Variants in ST8SIA4 observed in about 807,000 individuals in gnomAD.
The protein encoded by ST8SIA4 is ST8 alpha-N-acetyl-neuraminide alpha-2,8-sialyltransferase 4.
Under a neutral mutation model 33.9 loss-of-function variants are expected in ST8SIA4, and 15 were observed. That is an observed-to-expected ratio of 0.44 (90% CI 0.30 to 0.68). The LOEUF is 0.68. ST8SIA4 is among the 30% of genes least tolerant of loss of function. ST8SIA4 has a pLI of 0.10. For synonymous variants in ST8SIA4, 171 were observed against 151.2 expected (o/e 1.13, Z -0.96); for missense variants, 321 against 428.0 (o/e 0.75, Z 2.21).
chr5:100,848,517 T>C (rs566306680), intron 4 of ST8SIA4, among the ~76,000 whole-genome samples: 147 of 150,114 alleles, frequency 9.8e-4, no homozygotes, highest in Non-Finnish European at 1.7e-3. Context: ...ATAGTATATA[T>C]AGAGACAGAG....
chr5:100,849,493 C>T, intron 4 of ST8SIA4: 1 of 983,346 alleles, frequency 1.0e-6, no homozygotes, highest in Non-Finnish European at 1.2e-6. Context: ...ATTTAAGAAA[C>T]ACTGCTGGCT....
chr5:100,901,556 T>A (rs896967293), intron 1 of ST8SIA4, among the ~76,000 whole-genome samples: 1 of 152,192 alleles, frequency 6.6e-6, no homozygotes, highest in African/African-American at 2.4e-5. Flanking sequence ...CACCCAGTCT[T>A]GTGTAAACGA....
At chr5:100,896,656 T>C (rs775721930) in intron 1 of ST8SIA4, among the ~76,000 whole-genome samples, 1 of 152,168 alleles carries the variant, frequency 6.6e-6, no homozygotes, top group African/African-American at 2.4e-5. Context: ...ACAAAGTGTA[T>C]ACTTGTGTAG....
At chr5:100,836,708 G>A (rs960282613) in intron 4 of ST8SIA4, among the ~76,000 whole-genome samples, 2 of 151,730 alleles carry the variant, frequency 1.3e-5, no homozygotes, top group South Asian at 4.1e-4. Flanking sequence ...TAAAGAAAAC[G>A]AAATTTAAAC....
At chr5:100,870,141 C>T (rs922211082) in intron 3 of ST8SIA4, among the ~76,000 whole-genome samples, 2 of 152,154 alleles carry the variant, frequency 1.3e-5, no homozygotes, top group Non-Finnish European at 2.9e-5. Context: ...ATGATGGTTT[C>T]CAGCTTCATC....
At position 100,851,840 on chromosome 5, in the gene ST8SIA4, C is replaced by G. The variant is rs1404509365; in HGVS notation, c.797+4263G>C. Among the ~76,000 whole-genome samples the G allele has an allele frequency of 1.1e-4, 17 of 151,748 alleles. No individual in the cohort carries two copies. In the East Asian group the frequency reaches 2.9e-3, roughly 26 times the overall value. On this transcript the variant is annotated intron_variant, in intron 4 of 4. Coordinates refer to ENST00000231461, the MANE Select transcript of ST8SIA4 (RefSeq NM_005668.6). ...AAAACAACACTTGGTTATTACTAGT[C>G]AAATTAAAGTAACTGTAAAATAAGA...
At chr5:100,838,494 G>T (rs527410208) in intron 4 of ST8SIA4, among the ~76,000 whole-genome samples, 1 of 151,656 alleles carries the variant, frequency 6.6e-6, no homozygotes, top group South Asian at 2.1e-4. Flanking sequence ...GACTGCTAAC[G>T]AATACACATC....
chr5:100,871,164 A>G (rs944008146), intron 3 of ST8SIA4, among the ~76,000 whole-genome samples: 1 of 151,714 alleles, frequency 6.6e-6, no homozygotes, highest in Non-Finnish European at 1.5e-5. Flanking sequence ...AAAATAAGAT[A>G]TTTTTTTTCT....
chr5:100,886,698 G>T, intron 2 of ST8SIA4, 98 bp from the exon 3 acceptor site: 1 of 994,924 alleles, frequency 1.0e-6, no homozygotes, highest in Non-Finnish European at 1.5e-6. Flanking sequence ...ATACAAATTG[G>T]CAAACTATTA....
chr5:100,875,340 T>C (rs377413298), intron 3 of ST8SIA4, among the ~76,000 whole-genome samples: 1 of 152,338 alleles, frequency 6.6e-6, no homozygotes, highest in Non-Finnish European at 1.5e-5. Context: ...ACGTGACCAA[T>C]GATATCTTCT....
chr5:100,870,550 G>T (rs1166385728), intron 3 of ST8SIA4, among the ~76,000 whole-genome samples: 2 of 152,084 alleles, frequency 1.3e-5, no homozygotes, highest in Admixed American at 1.3e-4. Context: ...TTGTTAGACT[G>T]ATATATGAAA....
chr5:100,874,393 C>T (rs1752261643), intron 3 of ST8SIA4, among the ~76,000 whole-genome samples: 1 of 152,088 alleles, frequency 6.6e-6, no homozygotes, highest in Non-Finnish European at 1.5e-5. Context: ...CTAAAAACTT[C>T]ATCCAATATC....
chr5:100,850,801 C>A (rs374249853), intron 4 of ST8SIA4, among the ~76,000 whole-genome samples: 26 of 149,936 alleles, frequency 1.7e-4, no homozygotes, highest in East Asian at 9.7e-4. Flanking sequence ...ATATATATAA[C>A]ATGTGTGTGT....
At chr5:100,860,665 T>C (rs1332057577) in intron 3 of ST8SIA4, among the ~76,000 whole-genome samples, 1 of 152,178 alleles carries the variant, frequency 6.6e-6, no homozygotes, top group South Asian at 2.1e-4. Context: ...GAGAAACATG[T>C]CCAAGGGCAT....
At chr5:100,860,116 T>C (rs923167838) in intron 3 of ST8SIA4, among the ~76,000 whole-genome samples, 13 of 152,196 alleles carry the variant, frequency 8.5e-5, no homozygotes, top group Admixed American at 3.3e-4. Flanking sequence ...AATTGGAGGT[T>C]GTCACTTACA....
intron 3 of ST8SIA4, among the ~76,000 whole-genome samples, chr5:100,868,368 A>G (rs893221551): frequency 1.3e-5 from 2 of 152,070 alleles, no homozygotes; most frequent in African/African-American, 4.8e-5. Context: ...AGCCAGGGAA[A>G]TAATACAAGG....
At chr5:100,856,500 A>G (rs1751816522) in intron 3 of ST8SIA4, 104 bp from the exon 4 acceptor site, 3 of 1,172,738 alleles carry the variant, frequency 2.6e-6, no homozygotes, top group Non-Finnish European at 3.6e-6. Flanking sequence ...TTTTTTAACC[A>G]TGTGAAAAGA....
chr5:100,870,492 C>A (rs528393950), intron 3 of ST8SIA4, among the ~76,000 whole-genome samples: 2 of 152,094 alleles, frequency 1.3e-5, no homozygotes, highest in Admixed American at 6.5e-5. Flanking sequence ...TACGAGAGTG[C>A]CAACATCAAT....
chr5:100,846,556 G>A (rs1751577160), intron 4 of ST8SIA4, among the ~76,000 whole-genome samples: 1 of 151,862 alleles, frequency 6.6e-6, no homozygotes, highest in South Asian at 2.1e-4. Context: ...CAGAAACCCA[G>A]GTCAATCTCA....
Sources: gnomAD v4.1 joint callset for allele counts (sites outside exome capture counted in the v4.1 genomes callset) on GRCh38, gnomAD v4.1.1 for gene constraint, MANE v1.5 for transcripts, NCBI Gene and HGNC (gene_info 2026-07-23, HGNC 2026-07-21) for gene names.